Variants in PEBP4 observed in about 807,000 individuals in gnomAD.
PEBP4 encodes the protein phosphatidylethanolamine binding protein 4.
Under a neutral mutation model 23.9 loss-of-function variants are expected in PEBP4, and 22 were observed. The observed-to-expected ratio is 0.92, with a 90% confidence interval of 0.66 to 1.31. PEBP4 has a LOEUF of 1.31. PEBP4 is among the 40% of genes most tolerant of loss of function. The probability of loss-of-function intolerance (pLI) is 0.00; values close to 1 mark genes in which losing one functional copy is unlikely to be tolerated. For synonymous variants in PEBP4, 112 were observed against 99.3 expected (o/e 1.13, Z -0.76); for missense variants, 324 against 281.7 (o/e 1.15, Z -1.07).
intron 3 of PEBP4, among the ~76,000 whole-genome samples, chr8:22,853,415 C>T (rs747269181): frequency 5.9e-5 from 9 of 152,162 alleles, no homozygotes; most frequent in Non-Finnish European, 1.0e-4. Context: ...AAGTCAATGC[C>T]GGGCACTGGA....
chr8:22,870,738 TG>T lies in PEBP4; in HGVS notation c.258+49445del, dbSNP rs1224827694. ...TTCTGCAGCTTCTGCTCAGTTTTGCTGGGGACCAAAAACTGCTCTAAAAAGT... is the reference window on the plus strand; with the variant it reads ...TTCTGCAGCTTCTGCTCAGTTTTGCTGGGACCAAAAACTGCTCTAAAAAGT... On this transcript the variant is annotated intron_variant, in intron 3 of 6. Transcript: ENST00000256404. Among the ~76,000 whole-genome samples the T allele has an allele frequency of 2.6e-5, 4 of 152,142 alleles. No individual in the cohort carries two copies. The East Asian group carries it at 7.7e-4, about 29-fold the overall frequency.
At chr8:22,828,789 A>T (rs1055769227) in intron 3 of PEBP4, among the ~76,000 whole-genome samples, 1 of 152,216 alleles carries the variant, frequency 6.6e-6, no homozygotes, top group East Asian at 1.9e-4. Context: ...ACTTTAGCAA[A>T]CATGTGGAAC....
intron 4 of PEBP4, among the ~76,000 whole-genome samples, chr8:22,737,495 G>A (rs898642020): frequency 6.6e-6 from 1 of 151,966 alleles, no homozygotes; most frequent in South Asian, 2.1e-4. Flanking sequence ...TCAGATCCCC[G>A]CCCTCCAGGA....
In PEBP4 at chr8:22,935,333, C is replaced by A. The variant is rs146708512; in HGVS notation, c.145-7613G>T. Among the ~76,000 whole-genome samples, 909 of 151,978 alleles carry A rather than the reference C, an allele frequency of 6.0e-3. 10 individuals carry two copies. The highest frequency in any genetic ancestry group is 0.021 in the African/African-American group (876 of 41,438). ...GTCAGGAGTTCAAGACCAGCCTGGC[C>A]AACATGGAGAAACCATGTCTCTACT... On this transcript the variant is annotated intron_variant, in intron 1 of 1. Transcript: ENST00000522278.
intron 1 of PEBP4, among the ~76,000 whole-genome samples, chr8:22,939,612 C>T (rs1352319613): frequency 2.6e-5 from 4 of 151,658 alleles, no homozygotes; most frequent in Non-Finnish European, 5.9e-5. Context: ...TCTGCACTTG[C>T]TGTTGTTTTA....
At chr8:22,909,393 T>C (rs1808887065) in intron 3 of PEBP4, among the ~76,000 whole-genome samples, 1 of 152,196 alleles carries the variant, frequency 6.6e-6, no homozygotes, top group Admixed American at 6.5e-5. Context: ...AGGTTAGCAG[T>C]GCAGACCTAA....
intron 3 of PEBP4, among the ~76,000 whole-genome samples, chr8:22,862,120 T>A (rs1563241094): frequency 6.6e-6 from 1 of 152,124 alleles, no homozygotes. Flanking sequence ...ACTGAAGGTA[T>A]GGGGTGACAA....
At chr8:22,883,807 T>C (rs1481812095) in intron 3 of PEBP4, among the ~76,000 whole-genome samples, 3 of 152,214 alleles carry the variant, frequency 2.0e-5, no homozygotes, top group African/African-American at 7.2e-5. Context: ...CTCATTGTCA[T>C]TTGTTGAATC....
At chr8:22,909,027 C>A (rs558261232) in intron 3 of PEBP4, among the ~76,000 whole-genome samples, 115 of 152,282 alleles carry the variant, frequency 7.6e-4, no homozygotes, top group African/African-American at 2.6e-3. Flanking sequence ...AGAGGTGAAC[C>A]CACCCGACCC....
At chr8:22,940,447 T>C (rs1213843172) in intron 1 of PEBP4, among the ~76,000 whole-genome samples, 1 of 150,610 alleles carries the variant, frequency 6.6e-6, no homozygotes. Context: ...CAAATCACGC[T>C]AGAGTGAAAA....
intron 4 of PEBP4, among the ~76,000 whole-genome samples, chr8:22,748,866 A>G (rs932127920): frequency 1.3e-5 from 2 of 152,142 alleles, no homozygotes; most frequent in African/African-American, 4.8e-5. Context: ...TTAGGTGCGG[A>G]CTTGCCTGGG....
upstream of PEBP4, among the ~76,000 whole-genome samples, chr8:22,932,879 C>T (rs563657254): frequency 7.2e-5 from 11 of 152,046 alleles, no homozygotes; most frequent in South Asian, 2.3e-3. Flanking sequence ...GTGACAGGCA[C>T]CTGTAATCCC....
intron 3 of PEBP4, chr8:22,883,897 G>A (rs549139194): frequency 3.3e-5 from 5 of 151,544 alleles, no homozygotes; most frequent in African/African-American, 4.9e-5. Context: ...ATTTGCGGGG[G>A]ATACAAAAAA....
intron 4 of PEBP4, among the ~76,000 whole-genome samples, chr8:22,806,579 C>A (rs887802620): frequency 6.8e-6 from 1 of 148,068 alleles, no homozygotes; most frequent in African/African-American, 2.5e-5. Context: ...CATGCCACTG[C>A]ACTCCAGCCT....
intron 4 of PEBP4, among the ~76,000 whole-genome samples, chr8:22,786,142 C>A (rs1432462981): frequency 6.6e-6 from 1 of 152,226 alleles, no homozygotes; most frequent in Non-Finnish European, 1.5e-5. Context: ...AATAGAAACA[C>A]TAAACCGTTT....
In PEBP4 at chr8:22,851,424, T is replaced by G. The variant is rs370836989; in HGVS notation, c.259-33689A>C. Among the ~76,000 whole-genome samples the G allele has an allele frequency of 1.2e-4, 18 of 152,302 alleles. No individual in the cohort carries two copies. The East Asian group carries it at 2.9e-3, about 24-fold the overall frequency. ...CTTTGGGGCCCTCAGTGAAGCCTACTTAAGGTACACACTTGGGATTTTGGA... is the reference window on the plus strand; with the variant it reads ...CTTTGGGGCCCTCAGTGAAGCCTACGTAAGGTACACACTTGGGATTTTGGA... On this transcript the variant is annotated intron_variant, in intron 3 of 6. Transcript: ENST00000256404.
At chr8:22,854,644 G>A (rs923908927) in intron 3 of PEBP4, among the ~76,000 whole-genome samples, 5 of 152,150 alleles carry the variant, frequency 3.3e-5, no homozygotes, top group African/African-American at 9.7e-5. Context: ...TCTTGATCAA[G>A]CGATTTGTCA....
chr8:22,893,784 C>A (rs1383928767), intron 3 of PEBP4, among the ~76,000 whole-genome samples: 2 of 152,042 alleles, frequency 1.3e-5, no homozygotes, highest in Non-Finnish European at 2.9e-5. Flanking sequence ...AAAAAACCCA[C>A]CAGAATAGCA....
chr8:22,887,043 T>A (rs1324203937), intron 3 of PEBP4: 1 of 152,364 alleles, frequency 6.6e-6, no homozygotes, highest in Admixed American at 6.5e-5. Context: ...CTCTTGTATT[T>A]ATTTTTTTCA....
Sources: gnomAD v4.1 joint callset for allele counts (sites outside exome capture counted in the v4.1 genomes callset) on GRCh38, gnomAD v4.1.1 for gene constraint, MANE v1.5 for transcripts, NCBI Gene and HGNC (gene_info 2026-07-23, HGNC 2026-07-21) for gene names.